Variants in GRID2 observed in about 807,000 individuals in gnomAD.
GRID2 encodes the protein glutamate receptor ionotropic, delta-2.
In GRID2, 33 loss-of-function variants were observed where a neutral mutation model predicts 114.8. The ratio of observed to expected loss-of-function variants is 0.29; its 90% CI spans 0.22 to 0.38. The LOEUF (loss-of-function observed/expected upper bound fraction) is 0.38, where lower values mean the gene tolerates loss of function less well. Ranked by LOEUF, GRID2 falls within the 10% of genes least tolerant of loss-of-function variation. GRID2 has a pLI of 1.00. For synonymous variants in GRID2, 505 were observed against 449.9 expected, an observed-to-expected ratio of 1.12 and a Z score of -1.55; for missense variants, 1,184 against 1,257.7, an observed-to-expected ratio of 0.94 and a Z score of 0.89.
At chr4:93,322,397 T>C (rs973106954) in intron 8 of GRID2, among the ~76,000 whole-genome samples, 98 of 152,306 alleles carry the variant, frequency 6.4e-4, no homozygotes, top group African/African-American at 2.3e-3. Context: ...TATGGCTGCA[T>C]AGTATTCCAT....
At chr4:92,699,662 C>T (rs1488723797) in intron 2 of GRID2, among the ~76,000 whole-genome samples, 1 of 152,080 alleles carries the variant, frequency 6.6e-6, no homozygotes, top group Non-Finnish European at 1.5e-5. Context: ...CAAAATCAAG[C>T]ACAATTTTTA....
chr4:92,426,604 T>C (rs1449912747), intron 1 of GRID2, among the ~76,000 whole-genome samples: 2 of 152,152 alleles, frequency 1.3e-5, no homozygotes, highest in Non-Finnish European at 2.9e-5. Context: ...TACTCAAGTA[T>C]ATGAAGAGCA....
chr4:92,622,143 G>T (rs1414433034), intron 2 of GRID2, among the ~76,000 whole-genome samples: 4 of 151,716 alleles, frequency 2.6e-5, no homozygotes, highest in African/African-American at 7.2e-5. Flanking sequence ...GTCAATTAGA[G>T]ATGATGGATA....
intron 2 of GRID2, among the ~76,000 whole-genome samples, chr4:92,708,763 C>G (rs1579887453): frequency 6.6e-6 from 1 of 152,112 alleles, no homozygotes; most frequent in Admixed American, 6.5e-5. Context: ...CCCGTTTCTA[C>G]TAAACGCAAA....
chr4:92,905,997 G>T (rs1206765232), intron 2 of GRID2, among the ~76,000 whole-genome samples: 1 of 152,128 alleles, frequency 6.6e-6, no homozygotes, highest in Admixed American at 6.6e-5. Context: ...ACAAATGGGT[G>T]TAGGGGGTAG....
chr4:92,589,432 C>T (rs1423817893), intron 1 of GRID2, among the ~76,000 whole-genome samples: 1 of 152,112 alleles, frequency 6.6e-6, no homozygotes, highest in African/African-American at 2.4e-5. Context: ...ATGTGTTTAC[C>T]AAATATTCCA....
At chr4:92,505,069 GTAGAGT>G (rs1723888243) in intron 1 of GRID2, among the ~76,000 whole-genome samples, 1 of 151,998 alleles carries the variant, frequency 6.6e-6, no homozygotes, top group African/African-American at 2.4e-5. Context: ...GCATCAAGTA[GTAGAGT>G]TAATCTACAA....
At chr4:93,418,380 T>C (rs1767928973) in intron 9 of GRID2, among the ~76,000 whole-genome samples, 1 of 152,068 alleles carries the variant, frequency 6.6e-6, no homozygotes, top group Non-Finnish European at 1.5e-5. Flanking sequence ...GACTCAGTCA[T>C]ATGTTAACTT....
intron 2 of GRID2, among the ~76,000 whole-genome samples, chr4:92,997,797 G>T (rs987745979): frequency 6.6e-6 from 1 of 152,152 alleles, no homozygotes; most frequent in African/African-American, 2.4e-5. Flanking sequence ...CTTACTAGTT[G>T]TGTGATACCA....
intron 1 of GRID2, among the ~76,000 whole-genome samples, chr4:92,335,527 T>G (rs969354325): frequency 1.3e-5 from 2 of 152,236 alleles, no homozygotes; most frequent in African/African-American, 4.8e-5. Flanking sequence ...TGAATCTCAA[T>G]TATGATTTTC....
rs566868123 is a variant in GRID2 at position 93,531,165 on chromosome 4, G to A, written c.2193+15754G>A. On this transcript the variant is annotated intron_variant, in intron 13 of 15. Transcript: ENST00000282020. ...TTTGTCTAGAAAGCTGGGAAATAAG[G>A]CAGGAAAGACAGAGTAAGACGAAGG... Among the ~76,000 whole-genome samples the A allele has an allele frequency of 7.9e-5, 12 of 152,160 alleles. No homozygotes were observed. The East Asian group carries it at 2.1e-3, about 27-fold the overall frequency.
At chr4:93,126,237 G>C (rs1335412611) in intron 4 of GRID2, among the ~76,000 whole-genome samples, 4 of 152,060 alleles carry the variant, frequency 2.6e-5, no homozygotes, top group Non-Finnish European at 5.9e-5. Context: ...TGTTTCCAGT[G>C]ATAATTTTTA....
chr4:93,674,751 A>G lies in GRID2; in HGVS notation c.2360+48316A>G, dbSNP rs1012360059. 5.3e-5 allele frequency among the ~76,000 whole-genome samples: 8 copies of G among 152,184 alleles called. No individual in the cohort carries two copies. The South Asian group carries it at 6.2e-4, about 12-fold the overall frequency. ...CAGTAATCTTTTAAGAAATAAATAT[A>G]TTTTCTTTATTGCCAACAGAACATC... On this transcript the variant is annotated intron_variant, in intron 14 of 15. Coordinates refer to ENST00000282020, the MANE Select transcript of GRID2 (RefSeq NM_001510.4).
intron 2 of GRID2, among the ~76,000 whole-genome samples, chr4:92,748,378 T>C (rs1737259783): frequency 6.6e-6 from 1 of 152,050 alleles, no homozygotes; most frequent in Non-Finnish European, 1.5e-5. Flanking sequence ...CATCTCTGGT[T>C]TCTCTAGTTT....
intron 4 of GRID2, among the ~76,000 whole-genome samples, chr4:93,192,410 T>G (rs1053541409): frequency 2.0e-5 from 3 of 152,122 alleles, no homozygotes; most frequent in Non-Finnish European, 4.4e-5. Flanking sequence ...AGATACAAGA[T>G]TTTATTCCTA....
intron 2 of GRID2, among the ~76,000 whole-genome samples, chr4:92,633,031 A>G (rs1197757029): frequency 6.6e-6 from 1 of 152,180 alleles, no homozygotes; most frequent in Non-Finnish European, 1.5e-5. Flanking sequence ...CAAATCCCCT[A>G]CATAAGTAAG....
chr4:93,042,042 A>G (rs2149269513), intron 2 of GRID2, among the ~76,000 whole-genome samples: 1 of 151,946 alleles, frequency 6.6e-6, no homozygotes. Flanking sequence ...AGCTGGGACT[A>G]CAGGTGCCCG....
intron 14 of GRID2, among the ~76,000 whole-genome samples, chr4:93,742,641 T>C (rs947726848): frequency 6.6e-6 from 1 of 152,218 alleles, no homozygotes; most frequent in African/African-American, 2.4e-5. Flanking sequence ...TAGGCTGATA[T>C]GTGATCAGTG....
intron 2 of GRID2, among the ~76,000 whole-genome samples, chr4:92,930,956 A>C (rs543942474): frequency 2.0e-5 from 3 of 151,124 alleles, no homozygotes; most frequent in Non-Finnish European, 4.5e-5. Context: ...AAAACGAAAA[A>C]GTAAAAGCAA....
Sources: gnomAD v4.1 joint callset for allele counts (sites outside exome capture counted in the v4.1 genomes callset) on GRCh38, gnomAD v4.1.1 for gene constraint, MANE v1.5 for transcripts, NCBI Gene and HGNC (gene_info 2026-07-23, HGNC 2026-07-21) for gene names.